The following FGD6 variants were observed in gnomAD, a reference collection of about 807,000 sequenced individuals.
FGD6 encodes the protein FYVE, RhoGEF and PH domain-containing protein 6.
A neutral mutation model predicts 149.4 loss-of-function variants in FGD6; 90 were observed. The ratio of observed to expected loss-of-function variants is 0.60; its 90% CI spans 0.51 to 0.72. The LOEUF (loss-of-function observed/expected upper bound fraction) is 0.72, where lower values mean the gene tolerates loss of function less well. Ranked by LOEUF, FGD6 falls within the 30% of genes least tolerant of loss-of-function variation. The pLI, the probability that FGD6 is intolerant of heterozygous loss-of-function variation, is 0.00. For synonymous variants in FGD6, 527 were observed against 584.0 expected, an observed-to-expected ratio of 0.90 and a Z score of 1.41; for missense variants, 1,437 against 1,684.8, an observed-to-expected ratio of 0.85 and a Z score of 2.57.
At position 95,209,892 on chromosome 12, in the gene FGD6, A is replaced by G; in HGVS notation, c.1392T>C (p.Asn464=). 1 of 1,613,348 alleles carries G rather than the reference A, an allele frequency of 6.2e-7. No individual in the cohort carries two copies. Among genetic ancestry groups the G allele is most frequent in the Non-Finnish European group, 8.5e-7 (1 of 1,179,910 alleles). ...GGTTTCTCCCAGATTGCAAATGTTCATTGCAAGTTAATTTGAGCTGCTTAG... is the reference window on the plus strand; with the variant it reads ...GGTTTCTCCCAGATTGCAAATGTTCGTTGCAAGTTAATTTGAGCTGCTTAG... ...SLPKQLKLTC[N]EHLQSGRNLG... The change falls in exon 2 of 21, where the codon AAT becomes AAC. Residue 464 remains asparagine (N), a synonymous_variant. Transcript: ENST00000343958.
intron 9 of FGD6, 145 bp downstream of exon 9, chr12:95,113,506 G>A (rs985661424): frequency 6.2e-6 from 4 of 646,282 alleles, no homozygotes; most frequent in Non-Finnish European, 8.1e-6. Context: ...AAACTGCTGG[G>A]ATTACAGGTG....
At chr12:95,091,456 T>C (rs1275615821) in intron 17 of FGD6, among the ~76,000 whole-genome samples, 1 of 152,252 alleles carries the variant, frequency 6.6e-6, no homozygotes, top group East Asian at 1.9e-4. Flanking sequence ...TTTACTGTTT[T>C]AAGTGTTTTA....
At chr12:95,201,227 C>T (rs2056660897) in intron 2 of FGD6, among the ~76,000 whole-genome samples, 1 of 152,096 alleles carries the variant, frequency 6.6e-6, no homozygotes, top group Admixed American at 6.6e-5. Flanking sequence ...ATCTGGAATT[C>T]CCCTGAACCA....
chr12:95,094,457 A>T, intron 15 of FGD6, 135 bp downstream of exon 15: 1 of 607,444 alleles, frequency 1.6e-6, no homozygotes, highest in South Asian at 2.2e-5. Context: ...TGAGACATTA[A>T]TCTGTAGAGT....
chr12:95,189,616 C>G (rs1592870154), intron 2 of FGD6: 1 of 149,364 alleles, frequency 6.7e-6, no homozygotes, highest in African/African-American at 2.5e-5. Context: ...CCACTGCACT[C>G]CAACCTGGGT....
chr12:95,089,047 T>C (rs1877966079), intron 18 of FGD6, among the ~76,000 whole-genome samples: 1 of 152,166 alleles, frequency 6.6e-6, no homozygotes, highest in Admixed American at 6.5e-5. Context: ...TTTGAGGAAA[T>C]GGGATAGGAT....
intron 2 of FGD6, among the ~76,000 whole-genome samples, chr12:95,201,443 T>C (rs1274595907): frequency 6.6e-6 from 1 of 152,228 alleles, no homozygotes; most frequent in Non-Finnish European, 1.5e-5. Flanking sequence ...ATTTTTCATA[T>C]ATTAGAAGCT....
intron 8 of FGD6, among the ~76,000 whole-genome samples, chr12:95,118,226 C>T (rs757808202): frequency 6.6e-6 from 1 of 151,864 alleles, no homozygotes; most frequent in Non-Finnish European, 1.5e-5. Context: ...TAGTGGGCAC[C>T]TGCAATCCCA....
At chr12:95,158,225 T>C (rs544913577) in intron 3 of FGD6, among the ~76,000 whole-genome samples, 6 of 144,292 alleles carry the variant, frequency 4.2e-5, no homozygotes, top group Admixed American at 3.7e-4. Flanking sequence ...TGGAGTGCAG[T>C]GGCGTGATCT....
intron 20 of FGD6, among the ~76,000 whole-genome samples, chr12:95,083,462 G>T (rs564908761): frequency 1.1e-4 from 17 of 152,014 alleles, no homozygotes; most frequent in African/African-American, 3.4e-4. Context: ...GATGAAAATT[G>T]TAAGAAAGCT....
intron 14 of FGD6, 95 bp downstream of exon 14, chr12:95,104,912 C>T (rs1878559528): frequency 5.1e-6 from 5 of 978,756 alleles, no homozygotes; most frequent in Non-Finnish European, 7.4e-6. Context: ...GATGCTGTCT[C>T]AAAAAAAACC....
rs1879837326 is a variant in FGD6, at chr12:95,141,377, T to C, written c.2837+11A>G. ...AAACACTAGGAAAATCTGAAAACGG[T>C]CCATTTTTACCAGTGCAACATTCTT... On this transcript the variant is annotated intron_variant, in intron 6 of 20. Coordinates refer to ENST00000343958, the MANE Select transcript of FGD6 (RefSeq NM_018351.4). 1 of 1,609,934 alleles carries C rather than the reference T, an allele frequency of 6.2e-7. No homozygotes were observed. The highest frequency in any genetic ancestry group is 8.5e-7 in the Non-Finnish European group (1 of 1,177,596).
chr12:95,117,020 C>T (rs1003471287), intron 8 of FGD6: 13 of 421,172 alleles, frequency 3.1e-5, no homozygotes, highest in Non-Finnish European at 5.6e-5. Context: ...ACAGACACGC[C>T]TATATTGGTC....
intron 6 of FGD6, among the ~76,000 whole-genome samples, chr12:95,137,961 C>T (rs1239524395): frequency 6.6e-6 from 1 of 152,096 alleles, no homozygotes; most frequent in Non-Finnish European, 1.5e-5. Context: ...GTGGCTCATA[C>T]CTGTAATCCC....
intron 5 of FGD6, among the ~76,000 whole-genome samples, chr12:95,144,958 G>C (rs1879963696): frequency 6.7e-6 from 1 of 149,318 alleles, no homozygotes; most frequent in African/African-American, 2.5e-5. Context: ...GAAAGTGCTG[G>C]GATTACAGGC....
At chr12:95,162,263 C>A (rs1880666460) in intron 3 of FGD6, among the ~76,000 whole-genome samples, 1 of 151,844 alleles carries the variant, frequency 6.6e-6, no homozygotes, top group Admixed American at 6.6e-5. Context: ...TGGCTCACAC[C>A]TGTAATCCCA....
chr12:95,214,238 T>C (rs924559242), intron 1 of FGD6, among the ~76,000 whole-genome samples: 3 of 152,204 alleles, frequency 2.0e-5, no homozygotes, highest in African/African-American at 7.2e-5. Context: ...CTCTTTAATA[T>C]GTCTCCATAA....
intron 2 of FGD6, among the ~76,000 whole-genome samples, chr12:95,186,847 A>C (rs779192587): frequency 7.2e-5 from 11 of 152,216 alleles, no homozygotes; most frequent in Non-Finnish European, 1.2e-4. Flanking sequence ...AAATTGAGTC[A>C]GTTTTTAACC....
intron 8 of FGD6, among the ~76,000 whole-genome samples, chr12:95,129,307 GCATGCATCCATC>G (rs1227104483): frequency 0.052 from 7,347 of 141,972 alleles, 233 homozygotes; most frequent in South Asian, 0.1. Context: ...ATGCATGCAT[GCATGCATCCATC>G]CATCCATCCA....
Sources: gnomAD v4.1 joint callset for allele counts (sites outside exome capture counted in the v4.1 genomes callset) on GRCh38, gnomAD v4.1.1 for gene constraint, MANE v1.5 for transcripts, NCBI Gene and HGNC (gene_info 2026-07-23, HGNC 2026-07-21) for gene names.